The following NLRP7 variants were observed in gnomAD, a reference collection of about 807,000 sequenced individuals.
NLRP7 encodes the protein NACHT, LRR and PYD domains-containing protein 7.
Under a neutral mutation model 85.5 loss-of-function variants are expected in NLRP7, and 72 were observed. The ratio of observed to expected loss-of-function variants is 0.84; its 90% CI spans 0.70 to 1.02. The LOEUF is 1.02. Among genes scored for constraint, NLRP7 ranks in the 50% least tolerant of loss-of-function variants. NLRP7 has a pLI of 0.00. For synonymous variants in NLRP7, 550 were observed against 505.2 expected (o/e 1.09, Z -1.19); for missense variants, 1,243 against 1,219.5 (o/e 1.02, Z -0.29).
chr19:54,926,722 C>A (rs1252527305), intron 9 of NLRP7, among the ~76,000 whole-genome samples: 1 of 151,980 alleles, frequency 6.6e-6, no homozygotes, highest in East Asian at 1.9e-4. Context: ...TCGAGACCAG[C>A]CTGGCCAACA....
intron 9 of NLRP7, among the ~76,000 whole-genome samples, chr19:54,924,125 G>A (rs989984246): frequency 2.0e-5 from 3 of 152,094 alleles, no homozygotes; most frequent in Non-Finnish European, 2.9e-5. Context: ...GCACCACCAC[G>A]CTTGGCTAAG....
intron 1 of NLRP7, among the ~76,000 whole-genome samples, chr19:54,957,630 C>A (rs1004412279): frequency 6.6e-6 from 1 of 152,060 alleles, no homozygotes; most frequent in Non-Finnish European, 1.5e-5. Flanking sequence ...CAGGCGTGAG[C>A]CACTGCACCC....
In NLRP7 at chr19:54,939,677, T is replaced by TC. The variant is rs1182592747; in HGVS notation, c.1141dup (p.Glu381GlyfsTer147). On this transcript the variant is annotated frameshift_variant, in exon 4 of 10. Transcript: ENST00000340844. LOFTEE classifies it high-confidence loss of function. ...GGTGAGGCAGGTGGGGACCGGGTCC[T>TC]CCCCCTTCTCCATCTGCAGCTTCAG... 1 of 1,612,270 alleles carries TC rather than the reference T, an allele frequency of 6.2e-7. No homozygotes were observed. Among genetic ancestry groups the TC allele is most frequent in the African/African-American group, 1.3e-5 (1 of 74,618 alleles).
chr19:54,961,130 T>G (rs1264291268), intron 1 of NLRP7, among the ~76,000 whole-genome samples: 2 of 151,936 alleles, frequency 1.3e-5, no homozygotes, highest in Non-Finnish European at 2.9e-5. Context: ...TCTCAGTACT[T>G]TGGGAGGCCA....
intron 8 of NLRP7, among the ~76,000 whole-genome samples, 153 bp from the exon 9 acceptor site, chr19:54,930,819 G>A (rs540913956): frequency 1.3e-5 from 2 of 152,136 alleles, no homozygotes; most frequent in Middle Eastern, 3.4e-3. Context: ...AGGTTCAAGC[G>A]ATTCTTCTGC....
chr19:54,949,242 C>T (rs1882218881), upstream of NLRP7, among the ~76,000 whole-genome samples: 1 of 150,696 alleles, frequency 6.6e-6, no homozygotes, highest in African/African-American at 2.4e-5. Context: ...TGCACCACTG[C>T]GCTCCAGCCT....
chr19:54,964,094 T>G (rs2070189839), intron 1 of NLRP7, among the ~76,000 whole-genome samples: 1 of 150,774 alleles, frequency 6.6e-6, no homozygotes, highest in Non-Finnish European at 1.5e-5. Flanking sequence ...TTGGCCAGGC[T>G]GGTCTTGAAG....
intron 7 of NLRP7, 151 bp from the exon 8 acceptor site, chr19:54,933,890 G>C: frequency 4.1e-6 from 3 of 724,518 alleles, no homozygotes; most frequent in Non-Finnish European, 7.3e-6. Context: ...GGCCACAAAA[G>C]AGCAGGAAGG....
chr19:54,954,047 T>C (rs923714399), intron 1 of NLRP7, among the ~76,000 whole-genome samples: 1 of 136,502 alleles, frequency 7.3e-6, no homozygotes, highest in African/African-American at 2.7e-5. Context: ...AAGCATCCAG[T>C]CAAACTCCAT....
At chr19:54,956,089 A>G (rs1948678031) in intron 1 of NLRP7, among the ~76,000 whole-genome samples, 1 of 151,636 alleles carries the variant, frequency 6.6e-6, no homozygotes, top group Non-Finnish European at 1.5e-5. Context: ...ACAGTGAGCC[A>G]TGATCTCGCA....
chr19:54,959,549 A>T (rs1273106890), intron 1 of NLRP7, among the ~76,000 whole-genome samples: 1 of 151,604 alleles, frequency 6.6e-6, no homozygotes, highest in Non-Finnish European at 1.5e-5. Flanking sequence ...GTGGATCACA[A>T]GGTCAGAGTG....
At chr19:54,954,594 C>T (rs2069792247) in intron 1 of NLRP7, among the ~76,000 whole-genome samples, 1 of 151,516 alleles carries the variant, frequency 6.6e-6, no homozygotes, top group Admixed American at 6.6e-5. Context: ...CCTGTAATCC[C>T]AACACTTTGG....
chr19:54,941,853 G>A (rs751418815), intron 1 of NLRP7, 103 bp from the exon 2 acceptor site: 26 of 869,814 alleles, frequency 3.0e-5, no homozygotes, highest in Non-Finnish European at 4.1e-5. Flanking sequence ...TACAGTGAGT[G>A]GTAAAATATT....
chr19:54,957,695 TG>T (rs1264105462), intron 1 of NLRP7, among the ~76,000 whole-genome samples: 1 of 152,180 alleles, frequency 6.6e-6, no homozygotes, highest in Non-Finnish European at 1.5e-5. Flanking sequence ...TTCAATCATC[TG>T]GCCCTTCCTC....
upstream of NLRP7, among the ~76,000 whole-genome samples, chr19:54,951,246 C>T (rs957013969): frequency 3.9e-5 from 6 of 152,068 alleles, no homozygotes; most frequent in African/African-American, 7.2e-5. Flanking sequence ...TTCTTTTCCC[C>T]ACAAAAATAT....
intron 4 of NLRP7, among the ~76,000 whole-genome samples, chr19:54,938,653 G>A (rs757705792): frequency 6.6e-6 from 1 of 152,192 alleles, no homozygotes; most frequent in Non-Finnish European, 1.5e-5. Context: ...TTGAACCCGG[G>A]AGGCGGAGGT....
chr19:54,941,401 A>AAAG (rs2069215645), intron 2 of NLRP7, 34 bp downstream of exon 2: 1 of 1,378,874 alleles, frequency 7.3e-7, no homozygotes, highest in Non-Finnish European at 1.0e-6. Flanking sequence ...AAAAAAAAAA[A>AAAG]AAAAATGACC....
At chr19:54,963,799 G>T (rs1397901611) in intron 1 of NLRP7, among the ~76,000 whole-genome samples, 1 of 149,662 alleles carries the variant, frequency 6.7e-6, no homozygotes, top group East Asian at 2.0e-4. Context: ...ACTCCAGCCC[G>T]GGCGACAGTG....
At chr19:54,923,866 C>A in exon 10 of NLRP7, 1 of 1,613,792 alleles carries the variant, frequency 6.2e-7, no homozygotes, top group African/African-American at 1.3e-5. Flanking sequence ...TTTCATAGGT[C>A]TTCAACCTGG....
Sources: allele counts gnomAD v4.1 joint callset (sites outside exome capture counted in the v4.1 genomes callset), GRCh38; gene constraint gnomAD v4.1.1; transcripts MANE v1.5; gene names NCBI Gene and HGNC (gene_info 2026-07-23, HGNC 2026-07-21).